SNTG1: variants seen among roughly 807,000 people sequenced by gnomAD.
SNTG1 encodes gamma-1-syntrophin.
Under a neutral mutation model 74.7 loss-of-function variants are expected in SNTG1, and 39 were observed. The ratio of observed to expected loss-of-function variants is 0.52; its 90% CI spans 0.40 to 0.68. SNTG1 has a LOEUF of 0.68. SNTG1 is among the 30% of genes least tolerant of loss of function. SNTG1 has a pLI of 0.00. For synonymous variants in SNTG1, 254 were observed against 217.1 expected (o/e 1.17, Z -1.49); for missense variants, 685 against 609.5 (o/e 1.12, Z -1.30).
intron 2 of SNTG1, among the ~76,000 whole-genome samples, chr8:50,240,583 C>T (rs1276182368): frequency 6.6e-6 from 1 of 152,118 alleles, no homozygotes; most frequent in South Asian, 2.1e-4. Context: ...CAAGAGAGCT[C>T]TCCTCTACGA....
intron 1 of SNTG1, among the ~76,000 whole-genome samples, chr8:49,974,230 T>A (rs1238762864): frequency 2.0e-5 from 3 of 152,114 alleles, no homozygotes; most frequent in Non-Finnish European, 4.4e-5. Context: ...TACCTTAGAG[T>A]TTTAATCTTT....
intron 1 of SNTG1, among the ~76,000 whole-genome samples, chr8:50,116,665 C>A (rs2131335530): frequency 6.6e-6 from 1 of 152,248 alleles, no homozygotes; most frequent in African/African-American, 2.4e-5. Context: ...TAAAACCTGG[C>A]CTATTTCTTT....
chr8:50,022,421 A>G (rs1024161360), intron 1 of SNTG1, among the ~76,000 whole-genome samples: 6 of 152,178 alleles, frequency 3.9e-5, no homozygotes, highest in African/African-American at 1.4e-4. Flanking sequence ...ATGTCAACAC[A>G]CTAGTAGGAC....
intron 2 of SNTG1, among the ~76,000 whole-genome samples, chr8:50,288,398 T>C (rs1343224389): frequency 6.6e-6 from 1 of 152,218 alleles, no homozygotes. Context: ...GTTTATTTGT[T>C]CTAGAGAATG....
intron 8 of SNTG1, among the ~76,000 whole-genome samples, chr8:50,470,818 T>C (rs1179153581): frequency 3.3e-5 from 5 of 152,090 alleles, no homozygotes; most frequent in Admixed American, 6.5e-5. Context: ...TTCCACAGAA[T>C]AGAAGGGGAC....
chr8:50,389,172 A>G lies in SNTG1; in HGVS notation c.-27-5040A>G, dbSNP rs190940636. 3.6e-4 allele frequency among the ~76,000 whole-genome samples: 55 copies of G among 152,252 alleles called. No homozygotes were observed. The East Asian group carries it at 8.5e-3, about 24-fold the overall frequency. ...CTCCCCACCCATAGCTGGAGTAGACATAAGTAATTTTGATAATAAGTGCAG... is the reference window on the plus strand; with the variant it reads ...CTCCCCACCCATAGCTGGAGTAGACGTAAGTAATTTTGATAATAAGTGCAG... On this transcript the variant is annotated intron_variant, in intron 2 of 18. Coordinates refer to ENST00000642720, the MANE Select transcript of SNTG1 (RefSeq NM_018967.5).
chr8:50,200,140 C>G (rs79880185), intron 2 of SNTG1, among the ~76,000 whole-genome samples: 11,188 of 152,166 alleles, frequency 0.074, 433 homozygotes, highest in Middle Eastern at 0.12. Context: ...TTGTACTAAG[C>G]ACTTTGCATA....
chr8:50,182,621 C>T (rs537317340), intron 2 of SNTG1, among the ~76,000 whole-genome samples: 6 of 152,134 alleles, frequency 3.9e-5, no homozygotes, highest in South Asian at 4.1e-4. Flanking sequence ...TGATTTGGCA[C>T]GTGCGTGTCT....
intron 1 of SNTG1, among the ~76,000 whole-genome samples, chr8:49,916,911 G>A (rs1806094552): frequency 6.6e-6 from 1 of 151,904 alleles, no homozygotes; most frequent in African/African-American, 2.4e-5. Context: ...TGTAGTCTCA[G>A]CTACTCAGGA....
At chr8:50,183,867 T>A (rs1295958047) in intron 2 of SNTG1, among the ~76,000 whole-genome samples, 2 of 152,192 alleles carry the variant, frequency 1.3e-5, no homozygotes, top group African/African-American at 4.8e-5. Flanking sequence ...CTGTATTTAA[T>A]AACCTTGCCT....
chr8:50,051,053 G>T lies in SNTG1; in HGVS notation c.-102-121508G>T, dbSNP rs528310774. ...ATCTAATTCATCCTTATTGGTGAAA[G>T]ATTGAATACTTTCCCCCTAAGACTG... On this transcript the variant is annotated intron_variant, in intron 1 of 18. Transcript: ENST00000642720. 7.2e-5 allele frequency among the ~76,000 whole-genome samples: 11 copies of T among 152,106 alleles called. No individual in the cohort carries two copies. The South Asian group carries it at 1.5e-3, about 20-fold the overall frequency.
intron 15 of SNTG1, among the ~76,000 whole-genome samples, chr8:50,673,281 T>C (rs567699358): frequency 6.6e-6 from 1 of 152,346 alleles, no homozygotes; most frequent in Non-Finnish European, 1.5e-5. Context: ...GTGGCCATTT[T>C]CATGATATTG....
At chr8:50,353,254 A>G (rs143941673) in intron 2 of SNTG1, among the ~76,000 whole-genome samples, 4 of 94,500 alleles carry the variant, frequency 4.2e-5, no homozygotes, top group African/African-American at 1.7e-4. Flanking sequence ...GGGGCCTGTC[A>G]TGAGGTGGGG....
chr8:50,441,438 T>C (rs1439318122), intron 5 of SNTG1, among the ~76,000 whole-genome samples: 3 of 152,176 alleles, frequency 2.0e-5, no homozygotes, highest in African/African-American at 7.2e-5. Flanking sequence ...GGCTTAATTC[T>C]AGGACTTTAA....
chr8:50,381,555 G>T (rs544803206), intron 2 of SNTG1, among the ~76,000 whole-genome samples: 1 of 105,964 alleles, frequency 9.4e-6, no homozygotes, highest in Admixed American at 1.0e-4. Flanking sequence ...GAACTAATAG[G>T]ATATGTGTGT....
Position 49,962,469 on chromosome 8 carries a change from G to A in SNTG1, c.-103+50238G>A, listed in dbSNP as rs1265172753. 2.6e-5 allele frequency among the ~76,000 whole-genome samples: 4 copies of A among 151,976 alleles called. No homozygotes were observed. In the East Asian group the frequency reaches 7.8e-4, roughly 29 times the overall value. On this transcript the variant is annotated intron_variant, in intron 1 of 18. Transcript: ENST00000642720. ...ATGAGTCAGGAAACAAGGTCATCATGAGGAAAGAGCTCTAAAAAGAGCCGG... is the reference window on the plus strand; with the variant it reads ...ATGAGTCAGGAAACAAGGTCATCATAAGGAAAGAGCTCTAAAAAGAGCCGG...
At chr8:50,399,257 C>A (rs182310467) in intron 3 of SNTG1, among the ~76,000 whole-genome samples, 7 of 151,972 alleles carry the variant, frequency 4.6e-5, no homozygotes, top group African/African-American at 1.7e-4. Flanking sequence ...AAAAAAAATC[C>A]TTCTCATTCT....
intron 2 of SNTG1, among the ~76,000 whole-genome samples, chr8:50,393,244 A>C (rs1177957970): frequency 6.6e-6 from 1 of 152,184 alleles, no homozygotes; most frequent in Non-Finnish European, 1.5e-5. Context: ...ATAATCTATC[A>C]GTTCAGTGAC....
intron 17 of SNTG1, among the ~76,000 whole-genome samples, chr8:50,710,753 G>C (rs1044958829): frequency 7.9e-5 from 12 of 152,162 alleles, no homozygotes; most frequent in Admixed American, 7.9e-4. Context: ...GGTGTTCTGG[G>C]AACGAGTGCG....
Sources: allele counts gnomAD v4.1 joint callset (sites outside exome capture counted in the v4.1 genomes callset), GRCh38; gene constraint gnomAD v4.1.1; transcripts MANE v1.5; gene names NCBI Gene and HGNC (gene_info 2026-07-23, HGNC 2026-07-21).